Variants in CNTNAP2 observed in about 807,000 individuals in gnomAD.
CNTNAP2 encodes contactin-associated protein-like 2.
In CNTNAP2, 98 loss-of-function variants were observed where a neutral mutation model predicts 155.2. That is an observed-to-expected ratio of 0.63 (90% CI 0.54 to 0.75). The LOEUF (loss-of-function observed/expected upper bound fraction) is 0.75, where lower values mean the gene tolerates loss of function less well. Ranked by LOEUF, CNTNAP2 falls within the 30% of genes least tolerant of loss-of-function variation. The probability of loss-of-function intolerance (pLI) is 0.00; values close to 1 mark genes in which losing one functional copy is unlikely to be tolerated. For synonymous variants in CNTNAP2, 651 were observed against 631.2 expected, an observed-to-expected ratio of 1.03 and a Z score of -0.47; for missense variants, 1,727 against 1,688.1, an observed-to-expected ratio of 1.02 and a Z score of -0.40.
At chr7:146,419,174 T>G (rs1421330189) in intron 1 of CNTNAP2, among the ~76,000 whole-genome samples, 1 of 152,082 alleles carries the variant, frequency 6.6e-6, no homozygotes, top group Non-Finnish European at 1.5e-5. Context: ...GAAAGTCACA[T>G]CTTACATGCC....
At chr7:146,555,383 C>A (rs1202041175) in intron 1 of CNTNAP2, among the ~76,000 whole-genome samples, 2 of 151,364 alleles carry the variant, frequency 1.3e-5, no homozygotes. Flanking sequence ...TTCTATCCAT[C>A]TATCTACCAT....
intron 1 of CNTNAP2, among the ~76,000 whole-genome samples, chr7:146,463,708 A>G (rs977381212): frequency 2.0e-5 from 3 of 152,144 alleles, no homozygotes; most frequent in African/African-American, 4.8e-5. Context: ...AGATATATAC[A>G]TATGTGTATA....
chr7:146,577,185 A>G (rs921427752), intron 1 of CNTNAP2, among the ~76,000 whole-genome samples: 1 of 152,158 alleles, frequency 6.6e-6, no homozygotes, highest in African/African-American at 2.4e-5. Flanking sequence ...AGTTAAAAAC[A>G]GTATTTAGTT....
chr7:148,179,215 G>A (rs574238396), intron 18 of CNTNAP2, among the ~76,000 whole-genome samples: 1 of 152,256 alleles, frequency 6.6e-6, no homozygotes, highest in Admixed American at 6.5e-5. Context: ...CAGGAGACAA[G>A]AAAGCGCTGA....
intron 14 of CNTNAP2, among the ~76,000 whole-genome samples, chr7:147,924,684 G>A (rs1800353056): frequency 6.6e-6 from 1 of 152,150 alleles, no homozygotes; most frequent in African/African-American, 2.4e-5. Flanking sequence ...AGTAAGCCGG[G>A]AAGATGGAAC....
At chr7:146,773,695 CTT>C in intron 1 of CNTNAP2, among the ~76,000 whole-genome samples, 1 of 152,302 alleles carries the variant, frequency 6.6e-6, no homozygotes, top group South Asian at 2.1e-4. Context: ...CTCCCAGCCT[CTT>C]TTTTCTATTC....
At chr7:148,259,370 G>C (rs1187510931) in intron 20 of CNTNAP2, among the ~76,000 whole-genome samples, 4 of 146,838 alleles carry the variant, frequency 2.7e-5, no homozygotes, top group African/African-American at 1.0e-4. Flanking sequence ...AAAAAAAAAA[G>C]AAACTCCTTA....
intron 10 of CNTNAP2, among the ~76,000 whole-genome samples, chr7:147,469,398 T>G (rs1360792682): frequency 6.6e-6 from 1 of 151,718 alleles, no homozygotes; most frequent in Non-Finnish European, 1.5e-5. Flanking sequence ...ATCAAGCATG[T>G]GCCAGGCACT....
rs141321090 is a variant in CNTNAP2, at chr7:146,385,481, A to G, written c.97+268508A>G. ...GTTTGTTTATAATTCAGCTAAGAAT[A>G]GTTAATTCACGTCATGCCTCATGAT... On this transcript the variant is annotated intron_variant, in intron 1 of 23. Transcript: ENST00000361727. Among the ~76,000 whole-genome samples the G allele has an allele frequency of 2.0e-3, 312 of 152,368 alleles. 2 individuals are homozygous for G. Among genetic ancestry groups the G allele is most frequent in the African/African-American group, 7.2e-3 (298 of 41,596 alleles).
intron 1 of CNTNAP2, among the ~76,000 whole-genome samples, chr7:146,435,552 T>C (rs117043479): frequency 1.4e-4 from 21 of 152,300 alleles, no homozygotes; most frequent in Non-Finnish European, 2.5e-4. Context: ...ACATCTCTAG[T>C]AGAATTTTAA....
At chr7:146,711,651 T>G (rs1407698230) in intron 1 of CNTNAP2, among the ~76,000 whole-genome samples, 5 of 148,808 alleles carry the variant, frequency 3.4e-5, no homozygotes, top group Non-Finnish European at 5.9e-5. Context: ...CATTTTGAGG[T>G]TCACACTGAA....
chr7:146,218,910 A>G (rs888924497), intron 1 of CNTNAP2, among the ~76,000 whole-genome samples: 1 of 152,068 alleles, frequency 6.6e-6, no homozygotes, highest in Admixed American at 6.5e-5. Context: ...CCTTCTTGTA[A>G]TCTGGAGATG....
chr7:147,301,592 C>CTGTGTGTGTG (rs10585570), intron 9 of CNTNAP2, among the ~76,000 whole-genome samples: 6 of 101,768 alleles, frequency 5.9e-5, no homozygotes, highest in Non-Finnish European at 4.4e-5. Context: ...CTCTCTCTCT[C>CTGTGTGTGTG]TGTGTGTGTG....
chr7:146,928,277 C>G (rs1027308444), intron 3 of CNTNAP2, among the ~76,000 whole-genome samples: 2 of 152,074 alleles, frequency 1.3e-5, no homozygotes, highest in Non-Finnish European at 2.9e-5. Flanking sequence ...ATTTAAGTTC[C>G]TCTTTACTTA....
intron 15 of CNTNAP2, among the ~76,000 whole-genome samples, chr7:148,069,391 GA>G (rs1424929547): frequency 2.0e-5 from 3 of 152,162 alleles, no homozygotes; most frequent in African/African-American, 7.2e-5. Context: ...AAAGAAGGGT[GA>G]ATGAAGTTTC....
At chr7:146,571,845 T>TGC in intron 1 of CNTNAP2, among the ~76,000 whole-genome samples, 2 of 151,830 alleles carry the variant, frequency 1.3e-5, no homozygotes, top group Admixed American at 1.3e-4. Context: ...GATTCTCCCA[T>TGC]CTCAGGTTCC....
At chr7:148,106,420 G>A (rs1167084845) in intron 15 of CNTNAP2, among the ~76,000 whole-genome samples, 1 of 149,942 alleles carries the variant, frequency 6.7e-6, no homozygotes, top group East Asian at 2.0e-4. Context: ...CTGGGACACA[G>A]GAACATTTTG....
At chr7:148,043,721 C>T (rs1373063157) in intron 15 of CNTNAP2, among the ~76,000 whole-genome samples, 2 of 152,110 alleles carry the variant, frequency 1.3e-5, no homozygotes, top group Non-Finnish European at 2.9e-5. Context: ...CTCGTATTTT[C>T]GTTTTGCTTT....
chr7:147,996,974 G>A (rs578008036), intron 15 of CNTNAP2, among the ~76,000 whole-genome samples: 3 of 152,210 alleles, frequency 2.0e-5, no homozygotes, highest in Admixed American at 6.5e-5. Flanking sequence ...CCATTAATGG[G>A]ATTAGTACCC....
Sources: gnomAD v4.1 joint callset for allele counts (sites outside exome capture counted in the v4.1 genomes callset) on GRCh38, gnomAD v4.1.1 for gene constraint, MANE v1.5 for transcripts, NCBI Gene and HGNC (gene_info 2026-07-23, HGNC 2026-07-21) for gene names.